Variants in MEIOSIN observed in about 807,000 individuals in gnomAD.
MEIOSIN encodes the protein meiosis initiator protein.
MEIOSIN carries 18 observed loss-of-function variants against 23.4 expected under a neutral mutation model. The ratio of observed to expected loss-of-function variants is 0.77; its 90% confidence interval spans 0.53 to 1.14. The LOEUF (loss-of-function observed/expected upper bound fraction) is 1.14, where lower values mean the gene tolerates loss of function less well. Among genes scored for constraint, MEIOSIN ranks in the 50% most tolerant of loss-of-function variants. MEIOSIN has a pLI of 0.00. For synonymous variants in MEIOSIN, 187 were observed against 100.6 expected (o/e 1.86, Z -5.14); for missense variants, 428 against 242.9 (o/e 1.76, Z -5.07).
chr19:45,757,101 A>G, intron 8 of MEIOSIN, 76 bp from the exon 9 acceptor site: 1 of 678,610 alleles, frequency 1.5e-6, no homozygotes, highest in South Asian at 1.6e-5. Context: ...GGGCCAGTGC[A>G]GAGTGCCAAA....
Position 45,764,413 on chromosome 19 carries a change from C to T in MEIOSIN, c.*295C>T. 3.1e-6 allele frequency: 1 copy of T among 324,044 alleles called. No individual in the cohort carries two copies. Among genetic ancestry groups the T allele is most frequent in the Non-Finnish European group, 5.6e-6 (1 of 178,848 alleles). 20.1% of individuals were successfully genotyped at this position (324,044 alleles called of 1,614,324 possible). A position where few individuals can be genotyped will look rare whatever the true frequency, so the allele number is the denominator to read the frequency against. ...CCCACCCCTCTCCCCTTCCCTTCCCCACCCCAGAGCCACTCGGTTGCAACC... is the reference window on the plus strand; with the variant it reads ...CCCACCCCTCTCCCCTTCCCTTCCCTACCCCAGAGCCACTCGGTTGCAACC... On this transcript the variant is annotated 3_prime_UTR_variant, in exon 15 of 15. Coordinates refer to ENST00000457052, the MANE Select transcript of MEIOSIN (RefSeq NM_001310124.2).
chr19:45,747,536 G>A (rs987885118), intron 4 of MEIOSIN, among the ~76,000 whole-genome samples: 2 of 152,198 alleles, frequency 1.3e-5, no homozygotes, highest in East Asian at 1.9e-4. Flanking sequence ...ATCTCTGTCC[G>A]CCTTGCCCAC....
chr19:45,745,500 A>G (rs1968577249), intron 4 of MEIOSIN, among the ~76,000 whole-genome samples, 179 bp downstream of exon 4: 1 of 152,178 alleles, frequency 6.6e-6, no homozygotes, highest in South Asian at 2.1e-4. Context: ...AGGTGCCTGG[A>G]GGATCCTTTT....
chr19:45,753,277 C>G (rs2146191440), intron 5 of MEIOSIN, among the ~76,000 whole-genome samples: 1 of 152,232 alleles, frequency 6.6e-6, no homozygotes, highest in South Asian at 2.1e-4. Flanking sequence ...ATCGAGAGGC[C>G]AGAGGGAAAG....
intron 1 of MEIOSIN, among the ~76,000 whole-genome samples, chr19:45,735,043 A>C (rs952208742): frequency 1.3e-5 from 2 of 151,226 alleles, no homozygotes; most frequent in Non-Finnish European, 2.9e-5. Context: ...ACAGTCGTGC[A>C]CCACCACGCC....
In MEIOSIN at chr19:45,764,336, G is replaced by A. The variant is rs1476263602; in HGVS notation, c.*218G>A. On this transcript the variant is annotated 3_prime_UTR_variant, in exon 15 of 15. Coordinates refer to ENST00000457052, the MANE Select transcript of MEIOSIN (RefSeq NM_001310124.2). ...CACAGCTGCCTTGATTCTCCCCCAG[G>A]CTTAGGAAGGAAACCCAAAATGAAA... 1 of 392,032 alleles carries A rather than the reference G, an allele frequency of 2.6e-6. No homozygotes were observed. The highest frequency in any genetic ancestry group is 4.5e-6 in the Non-Finnish European group (1 of 222,256). The allele number at this position is 392,032 out of a possible 1,614,324, so 24.3% of individuals were successfully genotyped here.
chr19:45,739,753 G>C (rs1379731873), intron 3 of MEIOSIN, 23 bp downstream of exon 3: 1 of 703,448 alleles, frequency 1.4e-6, no homozygotes, highest in South Asian at 1.5e-5. Context: ...GAAAAGGGGG[G>C]ATTGGATGTT....
chr19:45,761,099 A>G (rs1420132220), intron 11 of MEIOSIN, among the ~76,000 whole-genome samples: 1 of 149,418 alleles, frequency 6.7e-6, no homozygotes, highest in African/African-American at 2.5e-5. Flanking sequence ...GGTTTTTTAA[A>G]TTATTTTTAA....
At chr19:45,740,800 T>C (rs1968491952) in intron 3 of MEIOSIN, among the ~76,000 whole-genome samples, 1 of 147,624 alleles carries the variant, frequency 6.8e-6, no homozygotes, top group East Asian at 2.0e-4. Flanking sequence ...ATAATAACAA[T>C]GATAATAAAG....
intron 8 of MEIOSIN, 74 bp from the exon 9 acceptor site, chr19:45,757,103 A>G (rs1423937594): frequency 1.5e-6 from 1 of 679,498 alleles, no homozygotes; most frequent in Admixed American, 2.0e-5. Context: ...GCCAGTGCAG[A>G]GTGCCAAAGG....
At chr19:45,753,026 C>T (rs1202471701) in intron 5 of MEIOSIN, among the ~76,000 whole-genome samples, 2 of 149,260 alleles carry the variant, frequency 1.3e-5, no homozygotes, top group Non-Finnish European at 3.0e-5. Flanking sequence ...TGGGTTCAAG[C>T]GATTCTCCTG....
At chr19:45,752,665 T>G (rs1470216365) in intron 5 of MEIOSIN, among the ~76,000 whole-genome samples, 5 of 152,116 alleles carry the variant, frequency 3.3e-5, no homozygotes, top group Non-Finnish European at 5.9e-5. Context: ...TTTCTATGTA[T>G]TAACTCACAT....
At chr19:45,735,128 G>A (rs1244598816) in intron 1 of MEIOSIN, among the ~76,000 whole-genome samples, 1 of 151,846 alleles carries the variant, frequency 6.6e-6, no homozygotes, top group African/African-American at 2.4e-5. Flanking sequence ...TCCTGACCTC[G>A]AGTGATTTGC....
Position 45,755,972 on chromosome 19 carries a change from T to C in MEIOSIN, c.805T>C (p.Cys269Arg). 1 of 702,576 alleles carries C rather than the reference T, an allele frequency of 1.4e-6. No homozygotes were observed. The highest frequency in any genetic ancestry group is 2.6e-6 in the Non-Finnish European group (1 of 384,990). The allele number at this position is 702,576 out of a possible 1,614,324, so 43.5% of individuals were successfully genotyped here. A position where few individuals can be genotyped will look rare whatever the true frequency, so the allele number is the denominator to read the frequency against. ...EDTIHCDISS[C>R]WCQGSVQDDA... ...GGTCATCCTGATCTGCCCCTTAGGC[T>C]GCTGGTGCCAGGGCAGTGTCCAGGA... Residue 269 changes from cysteine to arginine, a missense_variant and splice_region_variant, in exon 8 of 15, where the codon TGC becomes CGC. Cys to Arg is a radical substitution (Grantham distance 180). Transcript: ENST00000457052.
intron 3 of MEIOSIN, among the ~76,000 whole-genome samples, chr19:45,742,615 TA>T (rs1968525050): frequency 6.6e-6 from 1 of 151,516 alleles, no homozygotes; most frequent in African/African-American, 2.4e-5. Context: ...CCGTCTCCAC[TA>T]AAAATACAAA....
intron 2 of MEIOSIN, among the ~76,000 whole-genome samples, chr19:45,738,328 T>G (rs529636698): frequency 1.3e-5 from 2 of 152,332 alleles, no homozygotes; most frequent in Non-Finnish European, 2.9e-5. Context: ...AAATATTGTA[T>G]GTCAAAAATG....
At chr19:45,760,559 T>C (rs1485221960) in intron 11 of MEIOSIN, among the ~76,000 whole-genome samples, 1 of 151,370 alleles carries the variant, frequency 6.6e-6, no homozygotes, top group Non-Finnish European at 1.5e-5. Context: ...TAAGCCAAGA[T>C]GGCACCGTTG....
At chr19:45,760,236 C>T (rs1232395257) in intron 11 of MEIOSIN, among the ~76,000 whole-genome samples, 2 of 151,864 alleles carry the variant, frequency 1.3e-5, no homozygotes, top group Non-Finnish European at 2.9e-5. Context: ...GAGAGGCTGA[C>T]GTAGGCGGAT....
rs983780530 is a variant in MEIOSIN, at chr19:45,753,784, A to G, written c.552A>G (p.Ala184=). 32 of 702,176 alleles carry G rather than the reference A, an allele frequency of 4.6e-5. No individual in the cohort carries two copies. Among genetic ancestry groups the G allele is most frequent in the Non-Finnish European group, 7.8e-5 (30 of 384,608 alleles). The allele number at this position is 702,176 out of a possible 1,614,324, so 43.5% of individuals were successfully genotyped here. The change falls in exon 6 of 15, where the codon GCA becomes GCG. Residue 184 remains alanine (A), a synonymous_variant. Transcript: ENST00000457052. Reference sequence around the variant, plus strand: ...CTCGGAAGAAGAAGCTGACCCAGGCATCAGGTACAAGCTGTCACTGGAGGC... The same window carrying G: ...CTCGGAAGAAGAAGCTGACCCAGGCGTCAGGTACAAGCTGTCACTGGAGGC... The part of the protein sequence containing the change: ...QKPRKKKLTQ[A]SESQTRTPKP...
Sources: allele counts gnomAD v4.1 joint callset (sites outside exome capture counted in the v4.1 genomes callset), GRCh38; gene constraint gnomAD v4.1.1; transcripts MANE v1.5; gene names NCBI Gene and HGNC (gene_info 2026-07-23, HGNC 2026-07-21).